The following KLRF1 variants were observed in gnomAD, a reference collection of about 807,000 sequenced individuals.
KLRF1 encodes the protein killer cell lectin like receptor F1.
In KLRF1, 27 loss-of-function variants were observed where a neutral mutation model predicts 30.7. That is an observed-to-expected ratio of 0.88 (90% CI 0.65 to 1.21). The LOEUF is 1.21. Ranked by LOEUF, KLRF1 falls within the 50% of genes most tolerant of loss-of-function variation. The pLI, the probability that KLRF1 is intolerant of heterozygous loss-of-function variation, is 0.00. For missense variants in KLRF1, 246 were observed against 259.3 expected, an observed-to-expected ratio of 0.95 and a Z score of 0.35; for synonymous variants, 92 against 89.3, an observed-to-expected ratio of 1.03 and a Z score of -0.17.
At chr12:9,843,107 TG>T (rs1300355256) in intron 5 of KLRF1, among the ~76,000 whole-genome samples, 2 of 152,168 alleles carry the variant, frequency 1.3e-5, no homozygotes, top group Non-Finnish European at 2.9e-5. Context: ...ATTATCTGGG[TG>T]GCCCCAATTA....
the KLRF1 span, among the ~76,000 whole-genome samples, chr12:9,800,222 C>G: frequency 1.3e-5 from 2 of 152,046 alleles, no homozygotes; most frequent in South Asian, 4.1e-4. Flanking sequence ...AATGAAAGTC[C>G]TATTGCTCCA....
At chr12:9,823,687 C>A (rs1429794069), upstream of KLRF1, among the ~76,000 whole-genome samples, 1 of 150,584 alleles carries the variant, frequency 6.6e-6, no homozygotes, top group Non-Finnish European at 1.5e-5. Context: ...TCAAAAAGAT[C>A]AACAAATCCA....
intron 3 of KLRF1, among the ~76,000 whole-genome samples, chr12:9,835,776 G>A (rs747993818): frequency 6.6e-6 from 1 of 152,138 alleles, no homozygotes; most frequent in Non-Finnish European, 1.5e-5. Context: ...TAAAGGAGTG[G>A]CCACAGGAAT....
At chr12:9,842,996 A>G (rs1867738601) in intron 5 of KLRF1, among the ~76,000 whole-genome samples, 1 of 152,218 alleles carries the variant, frequency 6.6e-6, no homozygotes, top group Non-Finnish European at 1.5e-5. Context: ...AGATGTCCAC[A>G]TTCTAATTCC....
At chr12:9,809,598 T>A in the KLRF1 span, among the ~76,000 whole-genome samples, 39 of 152,120 alleles carry the variant, frequency 2.6e-4, 1 homozygote, top group Admixed American at 4.6e-4. Context: ...TACGCTTAGT[T>A]TACTGGCTCC....
chr12:9,828,984 G>A (rs1046794219), intron 1 of KLRF1, among the ~76,000 whole-genome samples: 1 of 152,070 alleles, frequency 6.6e-6, no homozygotes, highest in African/African-American at 2.4e-5. Context: ...TGTACCTTTA[G>A]CTAATATTTA....
the KLRF1 span, among the ~76,000 whole-genome samples, chr12:9,803,979 G>C: frequency 6.6e-6 from 1 of 151,938 alleles, no homozygotes; most frequent in Non-Finnish European, 1.5e-5. Flanking sequence ...GAAATAACTT[G>C]CTGGGATTTA....
chr12:9,835,102 ACT>A (rs943206085), intron 3 of KLRF1, among the ~76,000 whole-genome samples: 103 of 151,772 alleles, frequency 6.8e-4, no homozygotes, highest in African/African-American at 2.5e-3. Context: ...TAGTGGAATA[ACT>A]CTTTTTTGTC....
the KLRF1 span, among the ~76,000 whole-genome samples, chr12:9,809,805 A>G: frequency 6.6e-6 from 1 of 151,802 alleles, no homozygotes; most frequent in Non-Finnish European, 1.5e-5. Context: ...TTGTTATTCT[A>G]TTGATAAATC....
the KLRF1 span, among the ~76,000 whole-genome samples, chr12:9,801,424 C>CT: frequency 6.6e-6 from 1 of 152,086 alleles, no homozygotes. Flanking sequence ...AATCACCACA[C>CT]TGTCTTCTAC....
the KLRF1 span, among the ~76,000 whole-genome samples, chr12:9,819,409 C>T: frequency 2.6e-5 from 4 of 152,178 alleles, no homozygotes; most frequent in South Asian, 2.1e-4. Context: ...ATGAATCTCT[C>T]AGAAGGAGGG....
intron 3 of KLRF1, among the ~76,000 whole-genome samples, chr12:9,841,053 G>A (rs1867690590): frequency 6.6e-6 from 1 of 152,038 alleles, no homozygotes. Flanking sequence ...CAACCTAAAT[G>A]CACATCAATA....
chr12:9,823,234 AAAC>A (rs757220047), upstream of KLRF1, among the ~76,000 whole-genome samples: 132 of 145,094 alleles, frequency 9.1e-4, 1 homozygote, highest in African/African-American at 3.6e-3. Flanking sequence ...CAAAAAAAAA[AAAC>A]AAAAACTCAA....
the KLRF1 span, among the ~76,000 whole-genome samples, chr12:9,802,165 A>T: frequency 3.3e-5 from 5 of 152,228 alleles, no homozygotes; most frequent in South Asian, 1.0e-3. Flanking sequence ...CATCCCTGGG[A>T]TACAAGGCTA....
At chr12:9,816,973 T>C in the KLRF1 span, among the ~76,000 whole-genome samples, 1 of 151,980 alleles carries the variant, frequency 6.6e-6, no homozygotes, top group Non-Finnish European at 1.5e-5. Flanking sequence ...GACCTCGTGA[T>C]CCGCCCGCCT....
At chr12:9,824,028 G>A (rs954170065), upstream of KLRF1, among the ~76,000 whole-genome samples, 2 of 152,100 alleles carry the variant, frequency 1.3e-5, no homozygotes, top group African/African-American at 4.8e-5. Flanking sequence ...TGGATTCACA[G>A]CCAAATTCTG....
chr12:9,809,471 A>G, the KLRF1 span, among the ~76,000 whole-genome samples: 16 of 152,134 alleles, frequency 1.1e-4, 1 homozygote, highest in Admixed American at 2.6e-4. Context: ...GAATTAGTTG[A>G]AACCGTAACT....
the KLRF1 span, among the ~76,000 whole-genome samples, chr12:9,804,140 A>G: frequency 1.3e-5 from 2 of 151,832 alleles, no homozygotes; most frequent in South Asian, 2.1e-4. Flanking sequence ...TGGGCATGAA[A>G]TGATATCTTA....
intron 1 of KLRF1, among the ~76,000 whole-genome samples, chr12:9,828,956 A>G (rs1867346161): frequency 6.6e-6 from 1 of 152,226 alleles, no homozygotes; most frequent in Non-Finnish European, 1.5e-5. Flanking sequence ...TAAGTGACAC[A>G]TACTAATATT....
Sources: allele counts gnomAD v4.1 joint callset (sites outside exome capture counted in the v4.1 genomes callset), GRCh38; gene constraint gnomAD v4.1.1; transcripts MANE v1.5; gene names NCBI Gene and HGNC (gene_info 2026-07-23, HGNC 2026-07-21).